MED27: variants seen among roughly 807,000 people sequenced by gnomAD.
MED27 encodes mediator complex subunit 27, also known as mediator of RNA polymerase II transcription subunit 27.
Under a neutral mutation model 38.2 loss-of-function variants are expected in MED27, and 30 were observed. That is an observed-to-expected ratio of 0.79 (90% CI 0.59 to 1.07). MED27 has a LOEUF of 1.07. Ranked by LOEUF, MED27 falls within the 50% of genes least tolerant of loss-of-function variation. The probability of loss-of-function intolerance (pLI) is 0.00; values close to 1 mark genes in which losing one functional copy is unlikely to be tolerated. For missense variants in MED27, 289 were observed against 397.5 expected (o/e 0.73, Z 2.32); for synonymous variants, 122 against 153.5 (o/e 0.79, Z 1.52).
chr9:131,924,830 C>T (rs368924927), intron 4 of MED27, among the ~76,000 whole-genome samples: 6 of 152,220 alleles, frequency 3.9e-5, no homozygotes, highest in South Asian at 4.2e-4. Context: ...TCATCACCAC[C>T]TTTAAAAAGC....
intron 3 of MED27, among the ~76,000 whole-genome samples, chr9:131,951,487 T>A (rs1830995580): frequency 6.6e-6 from 1 of 152,174 alleles, no homozygotes; most frequent in Non-Finnish European, 1.5e-5. Flanking sequence ...ACAACTCTAT[T>A]CAGCACAACA....
chr9:131,993,773 C>T (rs1832029707), intron 3 of MED27, among the ~76,000 whole-genome samples: 1 of 152,160 alleles, frequency 6.6e-6, no homozygotes, highest in Admixed American at 6.5e-5. Flanking sequence ...CAGCTGGGGC[C>T]ACTGTCTGTG....
chr9:131,922,963 C>T (rs557112341), intron 4 of MED27, among the ~76,000 whole-genome samples: 2 of 152,178 alleles, frequency 1.3e-5, no homozygotes, highest in South Asian at 2.1e-4. Context: ...CCTTACTTTC[C>T]GGCACAGCAA....
chr9:131,929,766 C>T (rs1350634544), intron 4 of MED27, among the ~76,000 whole-genome samples: 1 of 152,164 alleles, frequency 6.6e-6, no homozygotes, highest in African/African-American at 2.4e-5. Context: ...TGACTCCAAT[C>T]CCTGGCTCTC....
At chr9:131,946,972 ATTT>A (rs367992929) in intron 3 of MED27, among the ~76,000 whole-genome samples, 1 of 152,066 alleles carries the variant, frequency 6.6e-6, no homozygotes, top group Admixed American at 6.5e-5. Flanking sequence ...TCATTAAATA[ATTT>A]TTTGAGTGAT....
At chr9:131,915,738 C>T (rs973463592) in intron 4 of MED27, among the ~76,000 whole-genome samples, 1 of 152,194 alleles carries the variant, frequency 6.6e-6, no homozygotes, top group Admixed American at 6.5e-5. Flanking sequence ...ATTAAATAGG[C>T]AATTTTCATG....
intron 2 of MED27, among the ~76,000 whole-genome samples, chr9:132,018,910 T>A (rs1329226148): frequency 1.0e-5 from 1 of 99,964 alleles, no homozygotes; most frequent in African/African-American, 2.6e-5. Context: ...TGATTCACTT[T>A]ATTTTTTTTT....
chr9:132,029,031 C>T (rs1035172658), intron 2 of MED27, among the ~76,000 whole-genome samples: 1 of 152,216 alleles, frequency 6.6e-6, no homozygotes, highest in Non-Finnish European at 1.5e-5. Context: ...AAGTCACGGT[C>T]AACTAAGAGA....
At chr9:132,040,761 C>T (rs1374070144) in intron 2 of MED27, among the ~76,000 whole-genome samples, 1 of 152,234 alleles carries the variant, frequency 6.6e-6, no homozygotes, top group Admixed American at 6.5e-5. Context: ...TGCACACACA[C>T]CGCACACTCA....
At chr9:131,864,926 C>T (rs1009441454) in intron 6 of MED27, among the ~76,000 whole-genome samples, 1 of 152,258 alleles carries the variant, frequency 6.6e-6, no homozygotes, top group African/African-American at 2.4e-5. Context: ...CCCCGCCTGC[C>T]CAGTCTCCTC....
chr9:132,052,698 T>C (rs1216658727), intron 2 of MED27, among the ~76,000 whole-genome samples: 2 of 137,978 alleles, frequency 1.4e-5, no homozygotes, highest in African/African-American at 5.3e-5. Context: ...CCTCAATGTC[T>C]ATTATTCCAC....
chr9:132,038,228 G>A (rs1322405700), intron 2 of MED27, among the ~76,000 whole-genome samples: 1 of 115,392 alleles, frequency 8.7e-6, no homozygotes. Flanking sequence ...GTCTCGCTCT[G>A]TCGCCCAGGC....
At chr9:131,874,017 A>G (rs1838880404) in intron 6 of MED27, among the ~76,000 whole-genome samples, 1 of 152,168 alleles carries the variant, frequency 6.6e-6, no homozygotes, top group Non-Finnish European at 1.5e-5. Flanking sequence ...TGGCCACTCC[A>G]CAGCCACCTA....
At chr9:131,890,901 A>G (rs1589189040) in intron 5 of MED27, among the ~76,000 whole-genome samples, 1 of 152,250 alleles carries the variant, frequency 6.6e-6, no homozygotes, top group Admixed American at 6.5e-5. Flanking sequence ...TGCCTGCCTG[A>G]CCAACGTATG....
intron 2 of MED27, among the ~76,000 whole-genome samples, chr9:132,025,895 T>C (rs1364714511): frequency 6.6e-6 from 1 of 152,192 alleles, no homozygotes; most frequent in Non-Finnish European, 1.5e-5. Context: ...TAGGAGTGAC[T>C]GTGTCAATAA....
chr9:131,925,938 C>A, intron 4 of MED27, among the ~76,000 whole-genome samples: 1 of 152,316 alleles, frequency 6.6e-6, no homozygotes, highest in Middle Eastern at 3.4e-3. Flanking sequence ...TCAAGGGTCA[C>A]GATGAATCCA....
intron 3 of MED27, among the ~76,000 whole-genome samples, chr9:131,946,409 G>C (rs1029456126): frequency 2.0e-5 from 3 of 152,058 alleles, no homozygotes; most frequent in Admixed American, 2.0e-4. Context: ...TTGCCAACAC[G>C]TATCTTTTGT....
At chr9:131,990,320 A>C (rs1831943922) in intron 3 of MED27, among the ~76,000 whole-genome samples, 1 of 152,222 alleles carries the variant, frequency 6.6e-6, no homozygotes. Context: ...CCCCTCTGGA[A>C]CATTCCTTCA....
At chr9:132,059,742 G>A (rs1234850498) in intron 2 of MED27, among the ~76,000 whole-genome samples, 1 of 152,232 alleles carries the variant, frequency 6.6e-6, no homozygotes, top group Non-Finnish European at 1.5e-5. Flanking sequence ...GAAGATCCCT[G>A]TCTGCTGATT....
Sources: gnomAD v4.1 joint callset for allele counts (sites outside exome capture counted in the v4.1 genomes callset) on GRCh38, gnomAD v4.1.1 for gene constraint, MANE v1.5 for transcripts, NCBI Gene and HGNC (gene_info 2026-07-23, HGNC 2026-07-21) for gene names.